MAST4: variants seen among roughly 807,000 people sequenced by gnomAD.
MAST4 encodes microtubule-associated serine/threonine-protein kinase 4.
Under a neutral mutation model 162.7 loss-of-function variants are expected in MAST4, and 89 were observed. The observed-to-expected ratio is 0.55, with a 90% CI of 0.46 to 0.65. The LOEUF is 0.65. Ranked by LOEUF, MAST4 falls within the 30% of genes least tolerant of loss-of-function variation. MAST4 has a pLI of 0.00. For missense variants in MAST4, 3,153 were observed against 3,374.0 expected (o/e 0.93, Z 1.62); for synonymous variants, 1,479 against 1,361.1 (o/e 1.09, Z -1.91).
chr5:66,897,291 C>G (rs1370257674), intron 3 of MAST4, among the ~76,000 whole-genome samples: 6 of 152,128 alleles, frequency 3.9e-5, no homozygotes, highest in Admixed American at 3.3e-4. Context: ...ATCTAATTAT[C>G]TAAGTATGTG....
intron 4 of MAST4, among the ~76,000 whole-genome samples, chr5:67,033,313 C>G (rs1368506263): frequency 7.1e-5 from 5 of 70,240 alleles, no homozygotes; most frequent in Non-Finnish European, 1.3e-4. Context: ...GTTTTCATTT[C>G]TCTGTGTGTG....
intron 4 of MAST4, among the ~76,000 whole-genome samples, chr5:67,028,606 TTAGAGTG>T: frequency 6.6e-6 from 1 of 152,170 alleles, no homozygotes; most frequent in South Asian, 2.1e-4. Flanking sequence ...AACTGAGTGA[TTAGAGTG>T]AAGAAGAACT....
Position 67,117,846 on chromosome 5 carries a change from TG to T in MAST4, c.1592-835del, listed in dbSNP as rs1226602108. Among the ~76,000 whole-genome samples the T allele has an allele frequency of 4.6e-5, 7 of 152,308 alleles. No individual in the cohort carries two copies. The East Asian group carries it at 9.6e-4, about 21-fold the overall frequency. ...TTCAAGGATGCCTTCCAATGTGAAT[TG>T]ATCAATTTAGACACCTTTGTCTCTT... is the stretch of plus-strand genomic sequence containing the variant. On this transcript the variant is annotated intron_variant, in intron 12 of 28. Coordinates refer to ENST00000403625, the MANE Select transcript of MAST4 (RefSeq NM_001164664.2).
At chr5:67,087,891 G>A (rs969909250) in intron 5 of MAST4, among the ~76,000 whole-genome samples, 7 of 152,236 alleles carry the variant, frequency 4.6e-5, no homozygotes, top group Non-Finnish European at 1.0e-4. Context: ...CAGCAGTGTA[G>A]TAGATGAGAA....
At chr5:67,140,262 C>T (rs1010399877) in intron 19 of MAST4, among the ~76,000 whole-genome samples, 5 of 152,242 alleles carry the variant, frequency 3.3e-5, no homozygotes, top group African/African-American at 7.2e-5. Context: ...ACCGTGCTGA[C>T]GACCTCCATG....
chr5:66,881,188 A>T (rs933121406), intron 3 of MAST4, among the ~76,000 whole-genome samples: 1 of 152,138 alleles, frequency 6.6e-6, no homozygotes, highest in African/African-American at 2.4e-5. Context: ...TTGTTTTCAA[A>T]GTCTTATATT....
At chr5:66,644,247 A>G (rs1167649764) in intron 1 of MAST4, among the ~76,000 whole-genome samples, 2 of 152,116 alleles carry the variant, frequency 1.3e-5, no homozygotes, top group Admixed American at 6.6e-5. Context: ...AGCTTTATGT[A>G]ATAGGGATTT....
intron 3 of MAST4, among the ~76,000 whole-genome samples, chr5:66,847,001 C>G (rs1464000214): frequency 6.6e-6 from 1 of 152,148 alleles, no homozygotes; most frequent in African/African-American, 2.4e-5. Flanking sequence ...TTATCAGCCC[C>G]CTTTTTTCCA....
chr5:66,639,278 T>TTGTGTGTGTG (rs70987132), intron 1 of MAST4, among the ~76,000 whole-genome samples: 5,420 of 138,642 alleles, frequency 0.039, 175 homozygotes, highest in East Asian at 0.11. Context: ...GAGAGGCAGC[T>TTGTGTGTGTG]TGTGTGTGTG....
chr5:66,610,278 G>A (rs1376112030), intron 1 of MAST4, among the ~76,000 whole-genome samples: 1 of 152,000 alleles, frequency 6.6e-6, no homozygotes, highest in Admixed American at 6.5e-5. Flanking sequence ...AGTCATTTTG[G>A]ATTAGGGCTT....
intron 4 of MAST4, among the ~76,000 whole-genome samples, chr5:66,909,391 G>A (rs1361074331): frequency 6.6e-6 from 1 of 152,200 alleles, no homozygotes; most frequent in Non-Finnish European, 1.5e-5. Context: ...GACACTCCTT[G>A]AAATTGTGTT....
chr5:67,008,332 A>C (rs1160528759), intron 4 of MAST4, among the ~76,000 whole-genome samples: 1 of 152,226 alleles, frequency 6.6e-6, no homozygotes, highest in Non-Finnish European at 1.5e-5. Context: ...CTCAGAATGG[A>C]AATTAGTTGG....
intron 4 of MAST4, among the ~76,000 whole-genome samples, chr5:67,027,388 C>T (rs1416078617): frequency 1.3e-5 from 2 of 152,144 alleles, no homozygotes; most frequent in African/African-American, 4.8e-5. Flanking sequence ...TATGCACTCA[C>T]AGATGAACGT....
chr5:66,703,965 A>C (rs1749952872), intron 1 of MAST4, among the ~76,000 whole-genome samples: 1 of 152,216 alleles, frequency 6.6e-6, no homozygotes, highest in African/African-American at 2.4e-5. Context: ...ATAAAGTATA[A>C]GAGTGTTTAG....
intron 5 of MAST4, among the ~76,000 whole-genome samples, chr5:67,087,383 C>T (rs1008390443): frequency 2.0e-5 from 3 of 152,202 alleles, no homozygotes; most frequent in Admixed American, 6.5e-5. Context: ...CAATTACACT[C>T]AGGCCAGCTT....
chr5:67,067,246 G>A (rs78162154), intron 5 of MAST4, among the ~76,000 whole-genome samples: 1 of 152,148 alleles, frequency 6.6e-6, no homozygotes, highest in African/African-American at 2.4e-5. Context: ...ACACTGGACC[G>A]CAGGGTAAAA....
At chr5:66,950,896 G>T (rs984788135) in intron 4 of MAST4, among the ~76,000 whole-genome samples, 53 of 152,084 alleles carry the variant, frequency 3.5e-4, no homozygotes, top group South Asian at 2.1e-4. Context: ...TTACATTTCC[G>T]CAGTTATACT....
rs576981789 is a variant in MAST4 at position 66,657,330 on chromosome 5, A to G, written c.363+60312A>G. Reference sequence around the variant, plus strand: ...GGACACTGTCTTATCACCAAGGAGAATATCTTCAGAGTCTCTAATAGTTTA... The same window carrying G: ...GGACACTGTCTTATCACCAAGGAGAGTATCTTCAGAGTCTCTAATAGTTTA... On this transcript the variant is annotated intron_variant, in intron 1 of 28. Transcript: ENST00000403625. Among the ~76,000 whole-genome samples, 4 of 152,352 alleles carry G rather than the reference A, an allele frequency of 2.6e-5. No individual in the cohort carries two copies. In the East Asian group the frequency reaches 7.7e-4, roughly 29 times the overall value.
At chr5:66,878,054 A>G (rs758362351) in intron 3 of MAST4, among the ~76,000 whole-genome samples, 1 of 152,236 alleles carries the variant, frequency 6.6e-6, no homozygotes, top group African/African-American at 2.4e-5. Context: ...AAATCTCTCA[A>G]TGAATTTAAA....
Sources: allele counts gnomAD v4.1 joint callset (sites outside exome capture counted in the v4.1 genomes callset), GRCh38; gene constraint gnomAD v4.1.1; transcripts MANE v1.5; gene names NCBI Gene and HGNC (gene_info 2026-07-23, HGNC 2026-07-21).